BCKDHB: variants seen among roughly 807,000 people sequenced by gnomAD.
The protein encoded by BCKDHB is branched chain keto acid dehydrogenase E1 subunit beta.
BCKDHB carries 41 observed loss-of-function variants against 48.5 expected under a neutral mutation model. That is an observed-to-expected ratio of 0.85 (90% CI 0.66 to 1.10). The LOEUF (loss-of-function observed/expected upper bound fraction) is 1.10, where lower values mean the gene tolerates loss of function less well. Among genes scored for constraint, BCKDHB ranks in the 50% least tolerant of loss-of-function variants. BCKDHB has a pLI of 0.00. For synonymous variants in BCKDHB, 201 were observed against 174.8 expected, an observed-to-expected ratio of 1.15 and a Z score of -1.18; for missense variants, 496 against 494.2, an observed-to-expected ratio of 1.00 and a Z score of -0.03.
chr6:80,405,705 T>C, the BCKDHB span, among the ~76,000 whole-genome samples: 1 of 152,192 alleles, frequency 6.6e-6, no homozygotes, highest in Non-Finnish European at 1.5e-5. Flanking sequence ...ACTAAAACTT[T>C]TTTCTTTGTG....
At chr6:80,352,494 C>G in the BCKDHB span, among the ~76,000 whole-genome samples, 1 of 152,174 alleles carries the variant, frequency 6.6e-6, no homozygotes, top group South Asian at 2.1e-4. Context: ...TTCTCTCATT[C>G]TGTAAGGAAT....
In BCKDHB at chr6:80,212,785, C is replaced by A. The variant is rs186748172; in HGVS notation, c.951+9573C>A. On this transcript the variant is annotated intron_variant, in intron 8 of 9. Coordinates refer to ENST00000320393, the MANE Select transcript of BCKDHB (RefSeq NM_183050.4). ...TCCATTCGGGTTCCCTGACTTCCTG[C>A]AACATCATTCTGTTAGGCACTACTC... 2.0e-3 allele frequency among the ~76,000 whole-genome samples: 299 copies of A among 152,312 alleles called. 1 individual carries two copies. Among genetic ancestry groups the A allele is most frequent in the Middle Eastern group, 0.01 (3 of 294 alleles).
intron 9 of BCKDHB, among the ~76,000 whole-genome samples, chr6:80,299,910 G>C: frequency 6.6e-6 from 1 of 152,102 alleles, no homozygotes; most frequent in Non-Finnish European, 1.5e-5. Context: ...ACAGTGGCAG[G>C]CTTGATATAA....
chr6:80,338,360 C>G (rs977375764), intron 9 of BCKDHB, among the ~76,000 whole-genome samples: 1 of 152,142 alleles, frequency 6.6e-6, no homozygotes, highest in Non-Finnish European at 1.5e-5. Context: ...GGGAAATAGG[C>G]ACCTTGTGTG....
At chr6:80,278,853 A>G (rs1293198423) in intron 9 of BCKDHB, among the ~76,000 whole-genome samples, 1 of 152,072 alleles carries the variant, frequency 6.6e-6, no homozygotes, top group Non-Finnish European at 1.5e-5. Flanking sequence ...GGACGTCTCA[A>G]CCATTTGCAT....
At chr6:80,238,888 A>G (rs956183551) in intron 8 of BCKDHB, among the ~76,000 whole-genome samples, 1 of 152,100 alleles carries the variant, frequency 6.6e-6, no homozygotes, top group African/African-American at 2.4e-5. Context: ...GCTCAGAATG[A>G]TGGTTTCCAG....
At chr6:80,393,522 C>T in the BCKDHB span, among the ~76,000 whole-genome samples, 15 of 133,452 alleles carry the variant, frequency 1.1e-4, no homozygotes, top group Non-Finnish European at 1.9e-4. Context: ...TCACCAGACA[C>T]TCAATCTGCT....
chr6:80,157,712 C>T (rs918707748), intron 3 of BCKDHB, among the ~76,000 whole-genome samples: 6 of 151,610 alleles, frequency 4.0e-5, no homozygotes, highest in Admixed American at 2.0e-4. Context: ...CTCCTGACCT[C>T]AGGTGATCCG....
At chr6:80,258,989 A>G (rs1777176239) in intron 8 of BCKDHB, among the ~76,000 whole-genome samples, 1 of 152,126 alleles carries the variant, frequency 6.6e-6, no homozygotes, top group Non-Finnish European at 1.5e-5. Context: ...ATATGAGGCC[A>G]TTGCTGTAAG....
intron 8 of BCKDHB, among the ~76,000 whole-genome samples, chr6:80,267,206 ATACAG>A (rs1429082378): frequency 5.9e-5 from 9 of 152,210 alleles, no homozygotes; most frequent in Admixed American, 5.9e-4. Context: ...AGACATATCT[ATACAG>A]TGCTGTGCTA....
chr6:80,408,325 T>G, the BCKDHB span, among the ~76,000 whole-genome samples: 1 of 152,108 alleles, frequency 6.6e-6, no homozygotes, highest in Non-Finnish European at 1.5e-5. Flanking sequence ...CTTTTTTTGT[T>G]GTGTGTCTGC....
chr6:80,459,380 C>T, the BCKDHB span, among the ~76,000 whole-genome samples: 4 of 152,098 alleles, frequency 2.6e-5, no homozygotes, highest in East Asian at 3.9e-4. Context: ...AACCAGCCAC[C>T]GAAATACAAA....
At chr6:80,109,773 C>T (rs1201753538) in intron 1 of BCKDHB, among the ~76,000 whole-genome samples, 2 of 152,136 alleles carry the variant, frequency 1.3e-5, no homozygotes, top group Non-Finnish European at 2.9e-5. Context: ...CTGCTCTTTT[C>T]CAGGTGTTGT....
intron 6 of BCKDHB, among the ~76,000 whole-genome samples, chr6:80,186,637 G>T (rs1339188169): frequency 6.6e-6 from 1 of 152,186 alleles, no homozygotes; most frequent in African/African-American, 2.4e-5. Flanking sequence ...TTTGTACTCA[G>T]TTGAACGTAT....
chr6:80,137,238 T>A (rs1216137970), intron 3 of BCKDHB, among the ~76,000 whole-genome samples: 1 of 152,212 alleles, frequency 6.6e-6, no homozygotes, highest in Non-Finnish European at 1.5e-5. Flanking sequence ...ATAAGGATTT[T>A]AGACACTACT....
rs978988456 is a variant in BCKDHB at position 80,107,548 on chromosome 6, C to T, written c.196+659C>T. On this transcript the variant is annotated intron_variant, in intron 1 of 9. Transcript: ENST00000320393. ...ATATATGCATATATATATATGCACA[C>T]ATATATATGCATATATATATGCATA... is the stretch of plus-strand genomic sequence containing the variant. Among the ~76,000 whole-genome samples, 477 of 81,768 alleles carry T rather than the reference C, an allele frequency of 5.8e-3. 3 individuals carry two copies. Among genetic ancestry groups the T allele is most frequent in the African/African-American group, 0.022 (391 of 17,418 alleles). 53.6% of individuals were successfully genotyped at this position (81,768 alleles called of 152,430 possible). A position where few individuals can be genotyped will look rare whatever the true frequency, so the allele number is the denominator to read the frequency against.
At chr6:80,238,255 A>G (rs1382888138) in intron 8 of BCKDHB, among the ~76,000 whole-genome samples, 2 of 151,958 alleles carry the variant, frequency 1.3e-5, no homozygotes, top group African/African-American at 2.4e-5. Context: ...ATGCCACCAC[A>G]CCCGGCTAGT....
chr6:80,361,556 G>A, the BCKDHB span, among the ~76,000 whole-genome samples: 4 of 152,194 alleles, frequency 2.6e-5, no homozygotes, highest in African/African-American at 9.7e-5. Context: ...AAAGCCCCCT[G>A]GGGTTGGGAA....
At chr6:80,309,000 T>C (rs1309318739) in intron 9 of BCKDHB, among the ~76,000 whole-genome samples, 1 of 152,152 alleles carries the variant, frequency 6.6e-6, no homozygotes, top group Non-Finnish European at 1.5e-5. Flanking sequence ...TGCTATAAAA[T>C]ATTTCTTTAT....
Sources: gnomAD v4.1 joint callset for allele counts (sites outside exome capture counted in the v4.1 genomes callset) on GRCh38, gnomAD v4.1.1 for gene constraint, MANE v1.5 for transcripts, NCBI Gene and HGNC (gene_info 2026-07-23, HGNC 2026-07-21) for gene names.